Variants in PCDHGA8 observed in about 807,000 individuals in gnomAD.
The protein encoded by PCDHGA8 is protocadherin gamma subfamily A, 8, also known as protocadherin gamma-A8.
A neutral mutation model predicts 59.2 loss-of-function variants in PCDHGA8; 45 were observed. The ratio of observed to expected loss-of-function variants is 0.76; its 90% CI spans 0.60 to 0.98. The LOEUF (loss-of-function observed/expected upper bound fraction) is 0.98. PCDHGA8 is among the 50% of genes least tolerant of loss of function. The probability of loss-of-function intolerance (pLI) is 0.00; values close to 1 mark genes in which losing one functional copy is unlikely to be tolerated. For missense variants in PCDHGA8, 1,257 were observed against 1,196.2 expected (o/e 1.05, Z -0.75); for synonymous variants, 531 against 519.0 (o/e 1.02, Z -0.32).
At position 141,476,503 on chromosome 5, in the gene PCDHGA8, C is replaced by T. The variant is rs1259213742; in HGVS notation, c.2425-18304C>T. 2 of 1,614,138 alleles carry T rather than the reference C, an allele frequency of 1.2e-6. No individual in the cohort carries two copies. ...TGGAAGTGGTGATCCAGGACATCAA[C>T]GACAACAATCCTGCTTTCCCTACCC... On this transcript the variant is annotated intron_variant, in intron 1 of 3. Transcript: ENST00000398604. The surrounding 1 kb of genome is among the most constrained non-coding windows in gnomAD (Gnocchi z 7.6).
At chr5:141,454,837 G>A (rs1269424734) in intron 1 of PCDHGA8, among the ~76,000 whole-genome samples, 4 of 90,354 alleles carry the variant, frequency 4.4e-5, no homozygotes, top group East Asian at 6.5e-4. Flanking sequence ...AGACAGAGTC[G>A]CGCTCTGTCA....
Position 141,392,791 on chromosome 5 carries a change from G to C in PCDHGA8, c.-23G>C. On this transcript the variant is annotated 5_prime_UTR_variant, in exon 1 of 4. Transcript: ENST00000398604. The stretch of plus-strand genomic sequence containing the variant: ...CATTTATGCACAGTGAAGATTCTGA[G>C]AGGATTCTGCAGCAAAACAACAATG... The C allele has an allele frequency of 3.9e-6, 6 of 1,557,838 alleles. No individual in the cohort carries two copies. The highest frequency in any genetic ancestry group is 2.0e-5 in the Admixed American group (1 of 50,802).
intron 1 of PCDHGA8, among the ~76,000 whole-genome samples, chr5:141,402,737 G>T (rs948478466): frequency 3.9e-5 from 6 of 152,276 alleles, no homozygotes; most frequent in East Asian, 1.9e-4. Context: ...CGCCGCTGTT[G>T]ATCAACTCTA....
intron 1 of PCDHGA8, chr5:141,399,668 G>A (rs756009874): frequency 1.7e-5 from 28 of 1,613,644 alleles, no homozygotes; most frequent in Non-Finnish European, 8.5e-7. Flanking sequence ...TTCGCGCAGC[G>A]CGCCTTTGAC....
At position 141,409,100 on chromosome 5, in the gene PCDHGA8, A is replaced by G. The variant is rs1341878280; in HGVS notation, c.2424+13863A>G. ...GTTCTCATTGGATGAGAAAACAGGT[A>G]TGATTAAGAATAACCAGTCATTTGA... is the stretch of plus-strand genomic sequence containing the variant. On this transcript the variant is annotated intron_variant, in intron 1 of 3. Transcript: ENST00000398604. The G allele has an allele frequency of 6.8e-6, 11 of 1,613,934 alleles. No homozygotes were observed. In the Admixed American group the frequency reaches 1.0e-4, roughly 15 times the overall value.
intron 1 of PCDHGA8, chr5:141,405,033 T>TTGTGGC: frequency 6.2e-7 from 1 of 1,613,962 alleles, no homozygotes; most frequent in Non-Finnish European, 8.5e-7. Context: ...CTCTACCTCG[T>TTGTGGC]TGTGGCTGTG....
rs1368226100 is a variant in PCDHGA8, at chr5:141,511,268, C to T, written c.*95C>T. The stretch of plus-strand genomic sequence containing the variant: ...CAGGCCTCAGAGTTTCAGGGCTAAC[C>T]CCCAGAATACTGGTAGGGGCCAAGG... On this transcript the variant is annotated 3_prime_UTR_variant, in exon 4 of 4. Coordinates refer to ENST00000398604, the MANE Select transcript of PCDHGA8 (RefSeq NM_032088.2). 1.9e-6 allele frequency: 3 copies of T among 1,546,408 alleles called. No individual in the cohort carries two copies. The highest frequency in any genetic ancestry group is 2.4e-5 in the East Asian group (1 of 41,246).
intron 1 of PCDHGA8, chr5:141,404,668 T>C: frequency 6.2e-7 from 1 of 1,614,148 alleles, no homozygotes; most frequent in Non-Finnish European, 8.5e-7. Flanking sequence ...CTGATGGTTC[T>C]ACTGGTGTGG....
intron 1 of PCDHGA8, among the ~76,000 whole-genome samples, chr5:141,470,598 G>A (rs2099234276): frequency 6.6e-6 from 1 of 152,184 alleles, no homozygotes; most frequent in Admixed American, 6.5e-5. Flanking sequence ...GGCGACCTGT[G>A]CGGGGACACA....
intron 1 of PCDHGA8, chr5:141,423,465 G>T: frequency 6.2e-7 from 1 of 1,614,006 alleles, no homozygotes; most frequent in South Asian, 1.1e-5. Context: ...GCGTGGACGG[G>T]GTACAGGCTT....
chr5:141,511,353 A>C lies in PCDHGA8; in HGVS notation c.*180A>C. ...AGTCAGCACCTACCCCTTCCCCCCC[A>C]GGGGGTTGAATATGCAAAAGCAGTT... On this transcript the variant is annotated 3_prime_UTR_variant, in exon 4 of 4. Transcript: ENST00000398604. 7.3e-7 allele frequency: 1 copy of C among 1,371,054 alleles called. No individual in the cohort carries two copies. Among genetic ancestry groups the C allele is most frequent in the Non-Finnish European group, 9.7e-7 (1 of 1,027,740 alleles). The allele number at this position is 1,371,054 out of a possible 1,614,324, so 84.9% of individuals were successfully genotyped here. A position where few individuals can be genotyped will look rare whatever the true frequency, so the allele number is the denominator to read the frequency against.
chr5:141,447,919 C>G (rs940570932), intron 1 of PCDHGA8, among the ~76,000 whole-genome samples: 2 of 152,012 alleles, frequency 1.3e-5, no homozygotes, highest in East Asian at 1.9e-4. Context: ...AACTCTGTCT[C>G]CACTAAAAAT....
In PCDHGA8 at chr5:141,487,819, C is replaced by A; in HGVS notation, c.2425-6988C>A. 2.3e-6 allele frequency: 3 copies of A among 1,285,528 alleles called. No homozygotes were observed. Among genetic ancestry groups the A allele is most frequent in the Non-Finnish European group, 3.2e-6 (3 of 932,998 alleles). 79.6% of individuals were successfully genotyped at this position (1,285,528 alleles called of 1,614,324 possible). On this transcript the variant is annotated intron_variant, in intron 1 of 3. Transcript: ENST00000398604. This position sits in a 1 kb window ranked among gnomAD's most constrained non-coding sequence, Gnocchi z 5.0. ...AGTTGTCACAGTTTAGCATTGGGGG[C>A]GGGTCATGCCTATATCTGAGTAAGA...
At chr5:141,459,427 G>A (rs1489214494) in intron 1 of PCDHGA8, among the ~76,000 whole-genome samples, 2 of 152,228 alleles carry the variant, frequency 1.3e-5, no homozygotes, top group Non-Finnish European at 2.9e-5. Flanking sequence ...ATATCACAAT[G>A]TGTTCATTCA....
chr5:141,477,600 T>A lies in PCDHGA8; in HGVS notation c.2425-17207T>A, dbSNP rs746047124. The A allele has an allele frequency of 6.2e-6, 10 of 1,614,146 alleles. No homozygotes were observed. The highest frequency in any genetic ancestry group is 7.6e-6 in the Non-Finnish European group (9 of 1,180,026). ...CCGCAGAATGCTCGGCTTTCTTTCT[T>A]TCTCTTGGAGCAAGGAGCTGAAACC... On this transcript the variant is annotated intron_variant, in intron 1 of 3. Coordinates refer to ENST00000398604, the MANE Select transcript of PCDHGA8 (RefSeq NM_032088.2). This position sits in a 1 kb window ranked among gnomAD's most constrained non-coding sequence, Gnocchi z 4.9.
intron 1 of PCDHGA8, among the ~76,000 whole-genome samples, chr5:141,450,750 G>C (rs778218781): frequency 1.1e-4 from 16 of 152,002 alleles, no homozygotes; most frequent in Admixed American, 2.0e-4. Context: ...GCCTCCCAAA[G>C]TGCCGGGATT....
At position 141,405,049 on chromosome 5, in the gene PCDHGA8, C is replaced by T. The variant is rs190786640; in HGVS notation, c.2424+9812C>T. 223 of 1,613,936 alleles carry T rather than the reference C, an allele frequency of 1.4e-4. 1 individual carries two copies. The African/African-American group carries it at 1.9e-3, about 14-fold the overall frequency. On this transcript the variant is annotated intron_variant, in intron 1 of 3. Coordinates refer to ENST00000398604, the MANE Select transcript of PCDHGA8 (RefSeq NM_032088.2). ...TCTACCTCGTTGTGGCTGTGGCAGTCGTCTCCTGTGTCTTCCTCACCTTCG... is the reference window on the plus strand; with the variant it reads ...TCTACCTCGTTGTGGCTGTGGCAGTTGTCTCCTGTGTCTTCCTCACCTTCG...
intron 3 of PCDHGA8, among the ~76,000 whole-genome samples, chr5:141,508,649 C>T (rs1303066200): frequency 6.6e-6 from 1 of 152,126 alleles, no homozygotes; most frequent in Non-Finnish European, 1.5e-5. Flanking sequence ...CCGTCAGGCC[C>T]TTCCTGTCAT....
chr5:141,450,181 C>A (rs2098672863), intron 1 of PCDHGA8, among the ~76,000 whole-genome samples: 1 of 151,572 alleles, frequency 6.6e-6, no homozygotes, highest in African/African-American at 2.4e-5. Flanking sequence ...CCACACCCAG[C>A]TAATTTTTGT....
Sources: allele counts gnomAD v4.1 joint callset (sites outside exome capture counted in the v4.1 genomes callset), GRCh38; gene constraint gnomAD v4.1.1; non-coding constraint Gnocchi (gnomAD v3.1); transcripts MANE v1.5; gene names NCBI Gene and HGNC (gene_info 2026-07-23, HGNC 2026-07-21).